Variants in LRP1B observed in about 807,000 individuals in gnomAD.
LRP1B encodes low-density lipoprotein receptor-related protein 1B.
In LRP1B, 217 loss-of-function variants were observed where a neutral mutation model predicts 556.6. The ratio of observed to expected loss-of-function variants is 0.39; its 90% confidence interval spans 0.35 to 0.44. The LOEUF (loss-of-function observed/expected upper bound fraction) is 0.44. Among genes scored for constraint, LRP1B ranks in the 20% least tolerant of loss-of-function variants. The probability of loss-of-function intolerance (pLI) is 1.00; values close to 1 mark genes in which losing one functional copy is unlikely to be tolerated. For synonymous variants in LRP1B, 2,047 were observed against 1,865.8 expected, an observed-to-expected ratio of 1.10 and a Z score of -2.50; for missense variants, 5,053 against 5,620.8, an observed-to-expected ratio of 0.90 and a Z score of 3.23.
chr2:141,596,944 A>C (rs1256493101), intron 2 of LRP1B, among the ~76,000 whole-genome samples: 2 of 152,086 alleles, frequency 1.3e-5, no homozygotes, highest in South Asian at 2.1e-4. Flanking sequence ...AAGGTTTAGT[A>C]GTTACTACCT....
chr2:141,198,081 T>A (rs78650210), intron 6 of LRP1B, among the ~76,000 whole-genome samples: 1 of 152,126 alleles, frequency 6.6e-6, no homozygotes, highest in Admixed American at 6.6e-5. Flanking sequence ...ATGGTTTAAG[T>A]GGGAAATTAA....
intron 85 of LRP1B, among the ~76,000 whole-genome samples, chr2:140,273,885 G>A (rs975665229): frequency 6.6e-6 from 1 of 151,908 alleles, no homozygotes; most frequent in African/African-American, 2.4e-5. Flanking sequence ...AGTCAAACTC[G>A]AAGATTTTTG....
At chr2:140,327,679 T>C (rs12692051) in intron 79 of LRP1B, among the ~76,000 whole-genome samples, 1 of 151,822 alleles carries the variant, frequency 6.6e-6, no homozygotes, top group Non-Finnish European at 1.5e-5. Context: ...GTTTTAGACT[T>C]AAAAACATTA....
rs903104273 is a variant in LRP1B, at chr2:140,883,670, C to A, written c.4169+147G>T. The A allele has an allele frequency of 4.3e-5, 26 of 606,698 alleles. 2 individuals carry two copies. In the African/African-American group the frequency reaches 4.5e-4, roughly 10 times the overall value. 37.6% of individuals were successfully genotyped at this position (606,698 alleles called of 1,614,324 possible). A position where few individuals can be genotyped will look rare whatever the true frequency, so the allele number is the denominator to read the frequency against. ...GTATGTACAACTCACATACCTACCC[C>A]CACCTCCCCGCCCCCGCCACACACA... On this transcript the variant is annotated intron_variant, in intron 25 of 90. Coordinates refer to ENST00000389484, the MANE Select transcript of LRP1B (RefSeq NM_018557.3).
intron 41 of LRP1B, among the ~76,000 whole-genome samples, chr2:140,672,838 C>T (rs894108297): frequency 1.3e-5 from 2 of 152,104 alleles, no homozygotes; most frequent in African/African-American, 2.4e-5. Context: ...AAACAAGAGG[C>T]CCCTACACAG....
At chr2:141,372,945 G>C (rs1689286017) in intron 3 of LRP1B, among the ~76,000 whole-genome samples, 1 of 151,882 alleles carries the variant, frequency 6.6e-6, no homozygotes, top group Non-Finnish European at 1.5e-5. Flanking sequence ...AGTTAATTGA[G>C]GTGCAACATT....
intron 2 of LRP1B, among the ~76,000 whole-genome samples, chr2:141,563,474 G>C (rs1686232364): frequency 6.6e-6 from 1 of 151,900 alleles, no homozygotes; most frequent in African/African-American, 2.4e-5. Flanking sequence ...ACATTAATTA[G>C]GGAAGCTAGA....
intron 87 of LRP1B, among the ~76,000 whole-genome samples, chr2:140,245,562 C>T (rs1268419262): frequency 6.6e-6 from 1 of 151,302 alleles, no homozygotes; most frequent in Admixed American, 6.6e-5. Context: ...ATAAATGGAG[C>T]ATGTTCTACA....
At chr2:140,855,106 A>G (rs1692574042) in intron 27 of LRP1B, among the ~76,000 whole-genome samples, 2 of 152,112 alleles carry the variant, frequency 1.3e-5, no homozygotes, top group Non-Finnish European at 1.5e-5. Flanking sequence ...AACATTATGA[A>G]GTATCTAGTT....
intron 82 of LRP1B, 136 bp from the exon 83 acceptor site, chr2:140,315,235 A>C: frequency 1.8e-6 from 1 of 559,936 alleles, no homozygotes; most frequent in East Asian, 3.0e-5. Context: ...CAAAAGAAGA[A>C]AAAATTAAAT....
chr2:140,697,687 A>T (rs1686480990), intron 41 of LRP1B, among the ~76,000 whole-genome samples: 1 of 152,126 alleles, frequency 6.6e-6, no homozygotes, highest in African/African-American at 2.4e-5. Context: ...GCCAGGCGCA[A>T]AGGACAAATA....
chr2:141,039,581 T>C (rs545626532), intron 11 of LRP1B, among the ~76,000 whole-genome samples: 1 of 152,184 alleles, frequency 6.6e-6, no homozygotes, highest in East Asian at 1.9e-4. Context: ...ACATCTATAA[T>C]AGACTTCTTT....
At chr2:140,250,602 T>C (rs914544045) in intron 86 of LRP1B, among the ~76,000 whole-genome samples, 1 of 151,684 alleles carries the variant, frequency 6.6e-6, no homozygotes, top group Non-Finnish European at 1.5e-5. Flanking sequence ...GTTGTATGTA[T>C]AAGTGCTCTT....
At chr2:141,588,080 T>C (rs1239532668) in intron 2 of LRP1B, among the ~76,000 whole-genome samples, 1 of 151,750 alleles carries the variant, frequency 6.6e-6, no homozygotes, top group Admixed American at 6.5e-5. Context: ...ATGTAAGTAT[T>C]TGCTAACTCT....
intron 2 of LRP1B, among the ~76,000 whole-genome samples, chr2:141,647,495 G>C (rs142841565): frequency 1.3e-5 from 2 of 152,252 alleles, no homozygotes; most frequent in East Asian, 3.9e-4. Flanking sequence ...AACTTCAGAC[G>C]ATTTTCACAA....
intron 7 of LRP1B, among the ~76,000 whole-genome samples, chr2:141,070,862 A>T (rs989814818): frequency 6.6e-6 from 1 of 152,108 alleles, no homozygotes; most frequent in Non-Finnish European, 1.5e-5. Flanking sequence ...GGCAATAATC[A>T]ATAGCTTACC....
At chr2:140,998,495 C>T (rs1697319079) in intron 15 of LRP1B, among the ~76,000 whole-genome samples, 2 of 151,906 alleles carry the variant, frequency 1.3e-5, no homozygotes, top group African/African-American at 4.8e-5. Flanking sequence ...GATCACCTAG[C>T]TTTACACATG....
rs1689737354 is a variant in LRP1B at position 141,383,992 on chromosome 2, T to G, written c.343+96404A>C. 2.0e-5 allele frequency among the ~76,000 whole-genome samples: 3 copies of G among 152,302 alleles called. No homozygotes were observed. The South Asian group carries it at 6.2e-4, about 32-fold the overall frequency. On this transcript the variant is annotated intron_variant, in intron 3 of 90. Coordinates refer to ENST00000389484, the MANE Select transcript of LRP1B (RefSeq NM_018557.3). ...ACGTAAAATATGCTGAGGGATGATC[T>G]TAAGTGTTCTTACCACACTCACACA...
chr2:140,690,210 C>G (rs951235371), intron 41 of LRP1B, among the ~76,000 whole-genome samples: 1 of 151,722 alleles, frequency 6.6e-6, no homozygotes, highest in Non-Finnish European at 1.5e-5. Context: ...ACAAAATAAC[C>G]ATTATCTTCC....
Sources: gnomAD v4.1 joint callset for allele counts (sites outside exome capture counted in the v4.1 genomes callset) on GRCh38, gnomAD v4.1.1 for gene constraint, MANE v1.5 for transcripts, NCBI Gene and HGNC (gene_info 2026-07-23, HGNC 2026-07-21) for gene names.